Variants in SLC24A4 observed in about 807,000 individuals in gnomAD.
SLC24A4 encodes the protein sodium/potassium/calcium exchanger 4.
A neutral mutation model predicts 79.0 loss-of-function variants in SLC24A4; 53 were observed. The observed-to-expected ratio is 0.67, with a 90% confidence interval of 0.54 to 0.84. The LOEUF (loss-of-function observed/expected upper bound fraction) is 0.84. Among genes scored for constraint, SLC24A4 ranks in the 40% least tolerant of loss-of-function variants. The pLI is 0.00. For missense variants in SLC24A4, 731 were observed against 822.0 expected, an observed-to-expected ratio of 0.89 and a Z score of 1.35; for synonymous variants, 323 against 323.8, an observed-to-expected ratio of 1.00 and a Z score of 0.03.
At chr14:92,463,639 T>C (rs1893938807) in intron 12 of SLC24A4, among the ~76,000 whole-genome samples, 1 of 152,252 alleles carries the variant, frequency 6.6e-6, no homozygotes. Flanking sequence ...CTGAGCGTCC[T>C]TATTTTTTCA....
At chr14:92,366,733 G>T (rs1024275413) in intron 2 of SLC24A4, among the ~76,000 whole-genome samples, 1 of 152,176 alleles carries the variant, frequency 6.6e-6, no homozygotes, top group Non-Finnish European at 1.5e-5. Context: ...ACCTTCTGTC[G>T]GCTGGATAAT....
At chr14:92,374,192 T>C (rs1209517756) in intron 2 of SLC24A4, among the ~76,000 whole-genome samples, 1 of 152,210 alleles carries the variant, frequency 6.6e-6, no homozygotes, top group Non-Finnish European at 1.5e-5. Flanking sequence ...AGGAATGATT[T>C]TGGCACTGCA....
chr14:92,324,099 C>A, intron 1 of SLC24A4, 139 bp downstream of exon 1: 2 of 1,227,612 alleles, frequency 1.6e-6, no homozygotes, highest in Non-Finnish European at 1.1e-6. Flanking sequence ...CCCCGCCGGG[C>A]AGGTAGAGCG....
At chr14:92,480,941 T>A (rs1190169640) in intron 12 of SLC24A4, among the ~76,000 whole-genome samples, 2 of 152,348 alleles carry the variant, frequency 1.3e-5, no homozygotes, top group Admixed American at 6.5e-5. Flanking sequence ...TTCTTTGTTG[T>A]GTGTGGCCAC....
chr14:92,491,906 C>T (rs1415291509), intron 15 of SLC24A4, 129 bp downstream of exon 15: 10 of 756,164 alleles, frequency 1.3e-5, no homozygotes, highest in South Asian at 4.9e-5. Context: ...TTTTCCATGG[C>T]GGCTTCTAGA....
intron 2 of SLC24A4, among the ~76,000 whole-genome samples, chr14:92,400,386 C>T (rs1890044858): frequency 6.7e-6 from 1 of 148,534 alleles, no homozygotes; most frequent in Non-Finnish European, 1.5e-5. Flanking sequence ...TTGCAGTGAG[C>T]CGAGATCGTG....
Position 92,340,345 on chromosome 14 carries a change from C to T in SLC24A4, c.241+14367C>T, listed in dbSNP as rs61975576. On this transcript the variant is annotated intron_variant, in intron 2 of 16. Transcript: ENST00000532405. Reference sequence around the variant, plus strand: ...ACCTGGGGTGACACACTCACATGCCCGGCATGGCTGGAAGCCTTCACAGAG... The same window carrying T: ...ACCTGGGGTGACACACTCACATGCCTGGCATGGCTGGAAGCCTTCACAGAG... 7.9e-5 allele frequency among the ~76,000 whole-genome samples: 12 copies of T among 152,320 alleles called. No homozygotes were observed. The South Asian group carries it at 2.3e-3, about 29-fold the overall frequency.
At chr14:92,361,344 T>G in intron 2 of SLC24A4, among the ~76,000 whole-genome samples, 1 of 148,364 alleles carries the variant, frequency 6.7e-6, no homozygotes, top group Admixed American at 6.8e-5. Context: ...GTTCTGGGGG[T>G]AGAGAAGCAA....
chr14:92,477,893 A>G (rs1441402207), intron 12 of SLC24A4, among the ~76,000 whole-genome samples: 2 of 146,690 alleles, frequency 1.4e-5, no homozygotes, highest in African/African-American at 5.1e-5. Flanking sequence ...AGTGATCCTC[A>G]TTCCATTCCA....
intron 2 of SLC24A4, among the ~76,000 whole-genome samples, chr14:92,427,819 C>G (rs1891651520): frequency 6.6e-6 from 1 of 152,232 alleles, no homozygotes; most frequent in Non-Finnish European, 1.5e-5. Context: ...AACCTAATTT[C>G]CAAGGTGATG....
At chr14:92,344,310 C>T (rs1184370244) in intron 2 of SLC24A4, among the ~76,000 whole-genome samples, 1 of 152,206 alleles carries the variant, frequency 6.6e-6, no homozygotes, top group Non-Finnish European at 1.5e-5. Flanking sequence ...GAGAAGCCGT[C>T]CCTTCATTGC....
At chr14:92,463,755 T>G (rs769965255) in intron 12 of SLC24A4, among the ~76,000 whole-genome samples, 5 of 152,222 alleles carry the variant, frequency 3.3e-5, no homozygotes, top group Non-Finnish European at 5.9e-5. Context: ...AACATCAGTT[T>G]CTGAACATTT....
intron 2 of SLC24A4, among the ~76,000 whole-genome samples, chr14:92,332,760 T>C (rs550810877): frequency 1.3e-5 from 2 of 152,328 alleles, no homozygotes; most frequent in South Asian, 2.1e-4. Context: ...CTTCTCTCTT[T>C]ATTATCACTT....
chr14:92,429,027 T>G (rs1381746301), intron 2 of SLC24A4, among the ~76,000 whole-genome samples: 1 of 152,228 alleles, frequency 6.6e-6, no homozygotes, highest in Non-Finnish European at 1.5e-5. Context: ...GGGATGTGTT[T>G]CCACTGGCAG....
At chr14:92,446,259 G>A (rs1231037781) in intron 8 of SLC24A4, among the ~76,000 whole-genome samples, 2 of 151,924 alleles carry the variant, frequency 1.3e-5, no homozygotes, top group African/African-American at 4.8e-5. Context: ...TGATTCATGT[G>A]CCTCAGCCTC....
At chr14:92,434,645 G>A (rs2139792073) in intron 3 of SLC24A4, among the ~76,000 whole-genome samples, 1 of 152,326 alleles carries the variant, frequency 6.6e-6, no homozygotes, top group Admixed American at 6.5e-5. Context: ...ACAGGGTACT[G>A]TGTTGCCAGA....
At chr14:92,345,080 A>T (rs1043451456) in intron 2 of SLC24A4, among the ~76,000 whole-genome samples, 1 of 152,156 alleles carries the variant, frequency 6.6e-6, no homozygotes, top group East Asian at 1.9e-4. Flanking sequence ...GGTGGGCCCA[A>T]TTAGGGTGCT....
intron 2 of SLC24A4, among the ~76,000 whole-genome samples, chr14:92,410,260 C>T (rs1182357216): frequency 6.6e-6 from 1 of 152,212 alleles, no homozygotes; most frequent in Non-Finnish European, 1.5e-5. Context: ...TAGCTCACTG[C>T]AGCTTCAAAC....
At chr14:92,376,993 G>A (rs935101703) in intron 2 of SLC24A4, among the ~76,000 whole-genome samples, 1 of 152,184 alleles carries the variant, frequency 6.6e-6, no homozygotes, top group African/African-American at 2.4e-5. Context: ...TGAACCTGTT[G>A]CCCTGGAAGC....
Sources: gnomAD v4.1 joint callset for allele counts (sites outside exome capture counted in the v4.1 genomes callset) on GRCh38, gnomAD v4.1.1 for gene constraint, MANE v1.5 for transcripts, NCBI Gene and HGNC (gene_info 2026-07-23, HGNC 2026-07-21) for gene names.